Variants in RYR3 observed in about 807,000 individuals in gnomAD.
The protein encoded by RYR3 is brain ryanodine receptor-calcium release channel.
RYR3 carries 207 observed loss-of-function variants against 584.3 expected under a neutral mutation model. The ratio of observed to expected loss-of-function variants is 0.35; its 90% CI spans 0.32 to 0.40. The LOEUF (loss-of-function observed/expected upper bound fraction) is 0.40, where lower values mean the gene tolerates loss of function less well. RYR3 is among the 10% of genes least tolerant of loss of function. RYR3 has a pLI of 1.00. For missense variants in RYR3, 5,616 were observed against 6,089.2 expected (o/e 0.92, Z 2.59); for synonymous variants, 2,416 against 2,248.5 (o/e 1.07, Z -2.11).
At chr15:33,798,510 C>T (rs2075750370) in intron 67 of RYR3, among the ~76,000 whole-genome samples, 2 of 152,234 alleles carry the variant, frequency 1.3e-5, no homozygotes, top group African/African-American at 4.8e-5. Context: ...AGTAGGAAAT[C>T]AGCAGGAGAA....
At chr15:33,858,124 C>T (rs901574904) in intron 99 of RYR3, 1 of 638,416 alleles carries the variant, frequency 1.6e-6, no homozygotes, top group Non-Finnish European at 2.6e-6. Context: ...GTTTTCATTA[C>T]CACACATCTA....
chr15:33,652,480 C>G (rs1049505639), intron 31 of RYR3, among the ~76,000 whole-genome samples: 8 of 152,080 alleles, frequency 5.3e-5, no homozygotes, highest in Non-Finnish European at 7.4e-5. Flanking sequence ...GAACATTGTG[C>G]TTTTTGGAAG....
intron 1 of RYR3, among the ~76,000 whole-genome samples, chr15:33,377,802 C>T (rs79132030): frequency 0.16 from 24,161 of 151,092 alleles, 2,219 homozygotes; most frequent in African/African-American, 0.25. Flanking sequence ...CTTTTTTTTT[C>T]CCCCCTTTGG....
intron 99 of RYR3, chr15:33,859,174 G>A (rs2080065701): frequency 6.0e-6 from 1 of 167,524 alleles, no homozygotes; most frequent in Admixed American, 5.9e-5. Flanking sequence ...AGGTGTAAGG[G>A]GAATGTGGAT....
At chr15:33,750,405 AT>A in intron 57 of RYR3, 119 bp downstream of exon 57, 1 of 1,000,726 alleles carries the variant, frequency 1.0e-6, no homozygotes, top group Non-Finnish European at 1.4e-6. Flanking sequence ...AAATGAGAAC[AT>A]TTTTATTTTA....
At chr15:33,572,143 G>T (rs1017197049) in intron 12 of RYR3, among the ~76,000 whole-genome samples, 2 of 152,068 alleles carry the variant, frequency 1.3e-5, no homozygotes, top group Non-Finnish European at 2.9e-5. Flanking sequence ...TATAAGCTCA[G>T]CAACGCAGTT....
Position 33,550,169 on chromosome 15 carries a change from C to T in RYR3, c.825C>T (p.Gly275=), listed in dbSNP as rs749997491. 10 of 1,612,082 alleles carry T rather than the reference C, an allele frequency of 6.2e-6. No homozygotes were observed. Among genetic ancestry groups the T allele is most frequent in the African/African-American group, 4.0e-5 (3 of 74,828 alleles). The change falls in exon 10 of 104, where the codon GGC becomes GGT. Residue 275 remains glycine, a synonymous_variant. Transcript: ENST00000634891. ...TGTTTCATCTGCCCAGCTGGAGTGG[C>T]AGTAACATCAGATGGGGCCAGGCTT... ...RVEPLRISWS[G]SNIRWGQAFR...
At chr15:33,639,419 T>C (rs1002752038) in intron 27 of RYR3, among the ~76,000 whole-genome samples, 1 of 152,208 alleles carries the variant, frequency 6.6e-6, no homozygotes, top group Non-Finnish European at 1.5e-5. Flanking sequence ...TTGATAACAG[T>C]AGCCCCAAGG....
chr15:33,487,585 A>G (rs2050567117), intron 2 of RYR3, among the ~76,000 whole-genome samples: 1 of 152,196 alleles, frequency 6.6e-6, no homozygotes, highest in Admixed American at 6.5e-5. Context: ...GAGTTCACTA[A>G]GAATGTTCAA....
chr15:33,633,618 T>A lies in RYR3; in HGVS notation c.3027+510T>A, dbSNP rs530913641. Among the ~76,000 whole-genome samples, 5 of 152,334 alleles carry A rather than the reference T, an allele frequency of 3.3e-5. No individual in the cohort carries two copies. In the South Asian group the frequency reaches 1.0e-3, roughly 32 times the overall value. On this transcript the variant is annotated intron_variant, in intron 24 of 103. Coordinates refer to ENST00000634891, the MANE Select transcript of RYR3 (RefSeq NM_001036.6). ...CAGGAGTGGCTATGTGCACATTAGT[T>A]AATTCATACCGGAGCCACACATCTG...
intron 1 of RYR3, among the ~76,000 whole-genome samples, chr15:33,461,879 T>C (rs1329895805): frequency 6.6e-6 from 1 of 152,196 alleles, no homozygotes; most frequent in African/African-American, 2.4e-5. Context: ...TTTATCCACC[T>C]GGAATGTGAC....
chr15:33,331,046 G>GTTT (rs1970322079), intron 1 of RYR3, among the ~76,000 whole-genome samples: 6 of 152,092 alleles, frequency 3.9e-5, no homozygotes, highest in Non-Finnish European at 5.9e-5. Flanking sequence ...TTGTTTGTTT[G>GTTT]GTTGGTTGGT....
At chr15:33,336,150 A>T (rs929988744) in intron 1 of RYR3, among the ~76,000 whole-genome samples, 1 of 152,130 alleles carries the variant, frequency 6.6e-6, no homozygotes, top group East Asian at 1.9e-4. Flanking sequence ...AGATAAAAAG[A>T]TCAGCAAAAA....
In RYR3 at chr15:33,738,508, G is replaced by A. The variant is rs1414834476; in HGVS notation, c.7574G>A (p.Gly2525Glu). Reference sequence around the variant, plus strand: ...TATTACTGCCTGCCTTCAGGATGGGGGAGCTACGGGCTAGCTGTGGAAGAA... The same window carrying A: ...TATTACTGCCTGCCTTCAGGATGGGAGAGCTACGGGCTAGCTGTGGAAGAA... ...WKYYCLPSGW[G>E]SYGLAVEEEL... is the part of the protein sequence containing the mutation. The change falls in exon 50 of 104, where the codon GGG (glycine) becomes GAG (glutamate). Residue 2525 changes from glycine to glutamate, a missense_variant. Gly to Glu is a moderately conservative substitution (Grantham distance 98, BLOSUM62 -2). Coordinates refer to ENST00000634891, the MANE Select transcript of RYR3 (RefSeq NM_001036.6). The A allele has an allele frequency of 1.9e-6, 3 of 1,613,820 alleles. No individual in the cohort carries two copies. Among genetic ancestry groups the A allele is most frequent in the Non-Finnish European group, 1.7e-6 (2 of 1,179,858 alleles).
In RYR3 at chr15:33,859,555, C is replaced by G. The variant is rs750332561; in HGVS notation, c.14143-20C>G. On this transcript the variant is annotated intron_variant, in intron 99 of 103. Transcript: ENST00000634891. ...AGAACTGTGACTTTTGCCTAAATCCCCCTTATTTTTCTTCTCTAGTGTTAC... is the reference window on the plus strand; with the variant it reads ...AGAACTGTGACTTTTGCCTAAATCCGCCTTATTTTTCTTCTCTAGTGTTAC... 57 of 1,613,284 alleles carry G rather than the reference C, an allele frequency of 3.5e-5. No individual in the cohort carries two copies. The highest frequency in any genetic ancestry group is 4.7e-5 in the Non-Finnish European group (55 of 1,179,512).
chr15:33,697,866 C>T lies in RYR3; in HGVS notation c.6135-16C>T. On this transcript the variant is annotated splice_polypyrimidine_tract_variant and intron_variant, in intron 39 of 103. Transcript: ENST00000634891. ...AATAAGCAGGTGCTGAAGACTCTCT[C>T]TGATCCTTATCCTAGAGACATAATG... The T allele has an allele frequency of 2.0e-6, 3 of 1,525,526 alleles. No homozygotes were observed. Among genetic ancestry groups the T allele is most frequent in the Non-Finnish European group, 2.7e-6 (3 of 1,099,204 alleles). The allele number at this position is 1,525,526 out of a possible 1,614,324, so 94.5% of individuals were successfully genotyped here.
chr15:33,861,075 T>G lies in RYR3; in HGVS notation c.14365-3T>G. 6.3e-7 allele frequency: 1 copy of G among 1,576,858 alleles called. No individual in the cohort carries two copies. The highest frequency in any genetic ancestry group is 8.6e-7 in the Non-Finnish European group (1 of 1,158,982). Reference sequence around the variant, plus strand: ...TGCCTTTTCTGCCTGTTATTTTTCTTAGACTAAATGTTTCATCTGTGGGAT... The same window carrying G: ...TGCCTTTTCTGCCTGTTATTTTTCTGAGACTAAATGTTTCATCTGTGGGAT... On this transcript the variant is annotated splice_polypyrimidine_tract_variant and splice_region_variant and intron_variant, in intron 101 of 103. Coordinates refer to ENST00000634891, the MANE Select transcript of RYR3 (RefSeq NM_001036.6).
chr15:33,824,831 G>T (rs958286690), intron 81 of RYR3, among the ~76,000 whole-genome samples: 2 of 152,116 alleles, frequency 1.3e-5, no homozygotes, highest in Non-Finnish European at 2.9e-5. Flanking sequence ...TTTCAGATTG[G>T]GGAATAAGTT....
chr15:33,340,710 C>T (rs555016438), intron 1 of RYR3, among the ~76,000 whole-genome samples: 11 of 152,276 alleles, frequency 7.2e-5, no homozygotes, highest in African/African-American at 2.6e-4. Context: ...ACCCTTATGA[C>T]TATGACCTTA....
Sources: allele counts gnomAD v4.1 joint callset (sites outside exome capture counted in the v4.1 genomes callset), GRCh38; gene constraint gnomAD v4.1.1; transcripts MANE v1.5; gene names NCBI Gene and HGNC (gene_info 2026-07-23, HGNC 2026-07-21).